Variants in NDUFB4 observed in about 807,000 individuals in gnomAD.
NDUFB4 encodes NADH dehydrogenase [ubiquinone] 1 beta subcomplex subunit 4.
NDUFB4 carries 10 observed loss-of-function variants against 14.5 expected under a neutral mutation model. The observed-to-expected ratio is 0.69, with a 90% CI of 0.43 to 1.17. The LOEUF is 1.17. NDUFB4 is among the 50% of genes most tolerant of loss of function. The pLI is 0.00. For synonymous variants in NDUFB4, 65 were observed against 63.4 expected (o/e 1.03, Z -0.12); for missense variants, 165 against 161.1 (o/e 1.02, Z -0.13).
Position 120,602,283 on chromosome 3 carries a change from T to A in NDUFB4, c.*13T>A, listed in dbSNP as rs1248703106. On this transcript the variant is annotated 3_prime_UTR_variant, in exon 3 of 3. Coordinates refer to ENST00000184266, the MANE Select transcript of NDUFB4 (RefSeq NM_004547.6). ...CCTCTCATATTAAGTCTGGCAATGA[T>A]GACTATATGTATTCCTGCCTAAATA... 6.3e-7 allele frequency: 1 copy of A among 1,587,710 alleles called. No individual in the cohort carries two copies. The highest frequency in any genetic ancestry group is 8.6e-7 in the Non-Finnish European group (1 of 1,161,552).
chr3:120,600,213 G>C (rs1054118443), intron 1 of NDUFB4, among the ~76,000 whole-genome samples: 1 of 146,660 alleles, frequency 6.8e-6, no homozygotes, highest in Non-Finnish European at 1.5e-5. Flanking sequence ...GGAAGACCTT[G>C]TGAAATTATT....
At chr3:120,601,872 C>T in intron 2 of NDUFB4, 1 of 1,052,834 alleles carries the variant, frequency 9.5e-7, no homozygotes, top group Non-Finnish European at 1.1e-6. Flanking sequence ...AAAGGTAGTC[C>T]ACATTTTCCC....
chr3:120,598,566 A>T (rs1339939168), intron 1 of NDUFB4, among the ~76,000 whole-genome samples: 1 of 152,180 alleles, frequency 6.6e-6, no homozygotes, highest in African/African-American at 2.4e-5. Flanking sequence ...GAGAAAAAAA[A>T]TAAAGCAGGG....
intron 1 of NDUFB4, among the ~76,000 whole-genome samples, chr3:120,596,910 G>C (rs1385391324): frequency 6.7e-6 from 1 of 149,676 alleles, no homozygotes; most frequent in Non-Finnish European, 1.5e-5. Flanking sequence ...ACAGTGCCTC[G>C]TTCGTAAGGC....
In NDUFB4 at chr3:120,601,606, C is replaced by T. The variant is rs142925478; in HGVS notation, c.327+349C>T. On this transcript the variant is annotated intron_variant, in intron 2 of 2. Transcript: ENST00000184266. ...AAATTAATGTTAAAACCTATTAATA[C>T]TCTACGGACAGAGAAGCACAAGCTG... 12 of 1,087,552 alleles carry T rather than the reference C, an allele frequency of 1.1e-5. No individual in the cohort carries two copies. In the East Asian group the frequency reaches 6.1e-4, roughly 56 times the overall value. The allele number at this position is 1,087,552 out of a possible 1,614,324, so 67.4% of individuals were successfully genotyped here.
rs764251823 is a variant in NDUFB4, at chr3:120,601,275, A to T, written c.327+18A>T. ...CTGAGAGGGTAAGTATTCAGACCAG[A>T]TGTTTAGTATTTGAGTGATAGGTTC... On this transcript the variant is annotated intron_variant, in intron 2 of 2. Transcript: ENST00000184266. The T allele has an allele frequency of 1.9e-6, 3 of 1,612,576 alleles. No homozygotes were observed. Among genetic ancestry groups the T allele is most frequent in the Non-Finnish European group, 1.7e-6 (2 of 1,179,730 alleles).
At chr3:120,598,712 G>T (rs1442219148) in intron 1 of NDUFB4, among the ~76,000 whole-genome samples, 2 of 152,040 alleles carry the variant, frequency 1.3e-5, no homozygotes, top group African/African-American at 4.8e-5. Flanking sequence ...CTCTAGGAAG[G>T]CAGCCTACTC....
At chr3:120,601,482 A>G in intron 2 of NDUFB4, 1 of 1,393,416 alleles carries the variant, frequency 7.2e-7, no homozygotes. Flanking sequence ...TTGTTTTTTA[A>G]AAAGATGATG....
At chr3:120,596,592 G>A in intron 1 of NDUFB4, 53 bp downstream of exon 1, 1 of 1,575,350 alleles carries the variant, frequency 6.3e-7, no homozygotes, top group East Asian at 2.3e-5. Context: ...GGGAGAGACC[G>A]AGAGAGACCA....
In NDUFB4 at chr3:120,596,372, A is replaced by C. The variant is rs1559772517; in HGVS notation, c.13A>C (p.Lys5Gln). Residue 5 changes from lysine to glutamine, a missense_variant, in exon 1 of 3, where the codon AAG becomes CAG. Physicochemically the swap from Lys to Gln is moderately conservative, Grantham distance 53. Transcript: ENST00000184266. MSFP[K>Q]YKPSSLRTLP... is the part of the protein sequence containing the mutation. ...CTGGTTCGCCAAGATGTCGTTCCCA[A>C]AGTATAAGCCGTCGAGCCTGCGCAC... 1 of 1,614,172 alleles carries C rather than the reference A, an allele frequency of 6.2e-7. No homozygotes were observed. The highest frequency in any genetic ancestry group is 1.3e-5 in the African/African-American group (1 of 75,068).
At chr3:120,597,960 G>A (rs1939994086) in intron 1 of NDUFB4, among the ~76,000 whole-genome samples, 1 of 152,068 alleles carries the variant, frequency 6.6e-6, no homozygotes, top group African/African-American at 2.4e-5. Context: ...TGTAAATAGA[G>A]GTAATACTAC....
chr3:120,601,378 C>G lies in NDUFB4; in HGVS notation c.327+121C>G. ...CCTCCCACCTTGGGGCTGTCCTCTG[C>G]CTTCCCTTCCTCTCTTCTTTTATCT... On this transcript the variant is annotated intron_variant, in intron 2 of 2. Transcript: ENST00000184266. 6 of 1,516,272 alleles carry G rather than the reference C, an allele frequency of 4.0e-6. No individual in the cohort carries two copies. In the South Asian group the frequency reaches 8.2e-5, roughly 21 times the overall value. The allele number at this position is 1,516,272 out of a possible 1,614,324, so 93.9% of individuals were successfully genotyped here. A position where few individuals can be genotyped will look rare whatever the true frequency, so the allele number is the denominator to read the frequency against.
chr3:120,597,658 G>A (rs1939988807), intron 1 of NDUFB4, among the ~76,000 whole-genome samples: 1 of 152,214 alleles, frequency 6.6e-6, no homozygotes, highest in African/African-American at 2.4e-5. Flanking sequence ...GGAAGGACAA[G>A]TAGGTCATAC....
At chr3:120,599,101 A>C (rs369541242) in intron 1 of NDUFB4, among the ~76,000 whole-genome samples, 1 of 152,172 alleles carries the variant, frequency 6.6e-6, no homozygotes, top group African/African-American at 2.4e-5. Flanking sequence ...GATGTGGTGT[A>C]TGAAAGAGGA....
Position 120,602,333 on chromosome 3 carries a change from T to C in NDUFB4, c.*63T>C, listed in dbSNP as rs1436556872. On this transcript the variant is annotated 3_prime_UTR_variant, in exon 3 of 3. Transcript: ENST00000184266. ...AAATCATCTATTAATCATTAAGTAG[T>C]AGTTTCTCTTTCTTAGTATTACCTT... 4 of 1,434,576 alleles carry C rather than the reference T, an allele frequency of 2.8e-6. No homozygotes were observed. The highest frequency in any genetic ancestry group is 3.9e-6 in the Non-Finnish European group (4 of 1,036,842). The allele number at this position is 1,434,576 out of a possible 1,614,324, so 88.9% of individuals were successfully genotyped here. A position where few individuals can be genotyped will look rare whatever the true frequency, so the allele number is the denominator to read the frequency against.
chr3:120,602,247 C>G lies in NDUFB4; in HGVS notation c.367C>G (p.Arg123Gly). Reference sequence around the variant, plus strand: ...ACTTATCCAGGAAGGAAAATTGGATCGAACATTTCACCTCTCATATTAAGT... The same window carrying G: ...ACTTATCCAGGAAGGAAAATTGGATGGAACATTTCACCTCTCATATTAAGT... ...EKLIQEGKLD[R>G]TFHLSY Residue 123 changes from arginine to glycine, a missense_variant, in exon 3 of 3, where the codon CGA (arginine) becomes GGA (glycine). Transcript: ENST00000184266. The G allele has an allele frequency of 1.2e-6, 2 of 1,610,562 alleles. No homozygotes were observed. Among genetic ancestry groups the G allele is most frequent in the Non-Finnish European group, 1.7e-6 (2 of 1,179,260 alleles).
chr3:120,596,512 C>T lies in NDUFB4; in HGVS notation c.153C>T (p.Tyr51=), dbSNP rs755226287. ...AQLKREYLLQ[Y]NDPNRRGLIE... ...TGAAACGAGAGTACCTGCTTCAGTACAACGATCCCAACCGCCGAGGGCTCA... is the reference window on the plus strand; with the variant it reads ...TGAAACGAGAGTACCTGCTTCAGTATAACGATCCCAACCGCCGAGGGCTCA... The change falls in exon 1 of 3, where the codon TAC becomes TAT. Residue 51 remains tyrosine, a synonymous_variant. Transcript: ENST00000184266. The T allele has an allele frequency of 1.9e-6, 3 of 1,613,804 alleles. No individual in the cohort carries two copies. The East Asian group carries it at 6.7e-5, about 36-fold the overall frequency.
chr3:120,601,313 C>A (rs754201804), intron 2 of NDUFB4, 56 bp downstream of exon 2: 1 of 1,605,664 alleles, frequency 6.2e-7, no homozygotes, highest in East Asian at 2.2e-5. Context: ...TTTCTAGGGA[C>A]CAGCTGCAGC....
intron 2 of NDUFB4, 25 bp from the exon 3 acceptor site, chr3:120,602,183 A>G (rs1162783048): frequency 6.2e-7 from 1 of 1,600,540 alleles, no homozygotes; most frequent in African/African-American, 1.4e-5. Flanking sequence ...ATTGTCTTTA[A>G]TGTACTTTTT....
Sources: gnomAD v4.1 joint callset for allele counts (sites outside exome capture counted in the v4.1 genomes callset) on GRCh38, gnomAD v4.1.1 for gene constraint, MANE v1.5 for transcripts, NCBI Gene and HGNC (gene_info 2026-07-23, HGNC 2026-07-21) for gene names.